The following CEP128 variants were observed in gnomAD, a reference collection of about 807,000 sequenced individuals.
The protein encoded by CEP128 is centrosomal protein 128.
A neutral mutation model predicts 156.7 loss-of-function variants in CEP128; 132 were observed. The observed-to-expected ratio is 0.84, with a 90% CI of 0.73 to 0.97. The LOEUF (loss-of-function observed/expected upper bound fraction) is 0.97. Ranked by LOEUF, CEP128 falls within the 50% of genes least tolerant of loss-of-function variation. The pLI is 0.00. For synonymous variants in CEP128, 469 were observed against 448.9 expected (o/e 1.04, Z -0.57); for missense variants, 1,252 against 1,281.9 (o/e 0.98, Z 0.36).
chr14:80,635,499 G>T (rs1894144511), intron 19 of CEP128, among the ~76,000 whole-genome samples: 1 of 152,110 alleles, frequency 6.6e-6, no homozygotes, highest in African/African-American at 2.4e-5. Context: ...TTGTTAACTT[G>T]TTATATAGTC....
chr14:80,936,235 G>A (rs1057130993), intron 2 of CEP128, among the ~76,000 whole-genome samples: 1 of 152,134 alleles, frequency 6.6e-6, no homozygotes, highest in Non-Finnish European at 1.5e-5. Context: ...ATGTTTATCA[G>A]GCCAGGCACA....
chr14:80,676,067 G>C (rs1896047807), intron 19 of CEP128, among the ~76,000 whole-genome samples: 1 of 152,104 alleles, frequency 6.6e-6, no homozygotes, highest in African/African-American at 2.4e-5. Flanking sequence ...TTTAGAACCA[G>C]TGTCAAGTTC....
At chr14:80,626,693 C>G (rs1343556624) in intron 19 of CEP128, among the ~76,000 whole-genome samples, 1 of 148,544 alleles carries the variant, frequency 6.7e-6, no homozygotes, top group Non-Finnish European at 1.5e-5. Flanking sequence ...TAACTTTAGG[C>G]CAGTGAAGCC....
intron 14 of CEP128, among the ~76,000 whole-genome samples, chr14:80,786,855 C>G (rs1217173717): frequency 6.6e-6 from 1 of 152,080 alleles, no homozygotes; most frequent in African/African-American, 2.4e-5. Flanking sequence ...ACCCTATAAT[C>G]CCAGCTATTT....
intron 13 of CEP128, among the ~76,000 whole-genome samples, chr14:80,801,405 T>A (rs1883842715): frequency 6.6e-6 from 1 of 152,032 alleles, no homozygotes; most frequent in Non-Finnish European, 1.5e-5. Context: ...GTTTTTGACA[T>A]ACGTCCCATC....
At chr14:80,869,667 G>C (rs1489931499) in intron 8 of CEP128, among the ~76,000 whole-genome samples, 1 of 151,862 alleles carries the variant, frequency 6.6e-6, no homozygotes, top group African/African-American at 2.4e-5. Context: ...CAGTTGTTTG[G>C]GTAAACTTTT....
intron 2 of CEP128, among the ~76,000 whole-genome samples, chr14:80,950,906 G>GAAAA (rs59969729): frequency 6.1e-5 from 7 of 115,050 alleles, no homozygotes; most frequent in Middle Eastern, 4.5e-3. Flanking sequence ...TCCCGAGTAA[G>GAAAA]AAAAAAAAAA....
chr14:80,797,232 A>G (rs965915646), intron 13 of CEP128, among the ~76,000 whole-genome samples: 1 of 152,220 alleles, frequency 6.6e-6, no homozygotes, highest in African/African-American at 2.4e-5. Flanking sequence ...TCAAGCCCAG[A>G]GCTTACGCAG....
intron 13 of CEP128, among the ~76,000 whole-genome samples, chr14:80,821,600 T>TACACAC (rs71103885): frequency 0.018 from 2,544 of 145,168 alleles, 29 homozygotes; most frequent in Non-Finnish European, 0.025. Context: ...CATACACACA[T>TACACAC]ACACACACAC....
chr14:80,576,568 C>A (rs931658486), intron 20 of CEP128, among the ~76,000 whole-genome samples: 2 of 152,110 alleles, frequency 1.3e-5, no homozygotes, highest in East Asian at 1.9e-4. Flanking sequence ...GGCTCCACCC[C>A]CCCTGCCGTT....
chr14:80,723,710 T>C (rs1249322889), intron 19 of CEP128, among the ~76,000 whole-genome samples: 1 of 152,202 alleles, frequency 6.6e-6, no homozygotes, highest in Non-Finnish European at 1.5e-5. Flanking sequence ...TCTCCTTCAA[T>C]GAAAAGTGGT....
intron 19 of CEP128, among the ~76,000 whole-genome samples, chr14:80,699,866 G>A (rs746712729): frequency 6.6e-6 from 1 of 152,116 alleles, no homozygotes; most frequent in Non-Finnish European, 1.5e-5. Flanking sequence ...AAGAATGGGG[G>A]TAGTTCCAAG....
At chr14:80,798,874 T>C (rs936211371) in intron 13 of CEP128, among the ~76,000 whole-genome samples, 4 of 152,352 alleles carry the variant, frequency 2.6e-5, no homozygotes, top group African/African-American at 9.6e-5. Context: ...CACAAGAGAT[T>C]GGGCACCTTG....
intron 19 of CEP128, among the ~76,000 whole-genome samples, chr14:80,657,213 C>T (rs774459546): frequency 5.3e-5 from 8 of 151,500 alleles, no homozygotes; most frequent in South Asian, 2.1e-4. Flanking sequence ...GCCGAGATTA[C>T]GCCACTGCGC....
intron 20 of CEP128, among the ~76,000 whole-genome samples, chr14:80,563,647 T>C (rs1004647576): frequency 1.3e-5 from 2 of 150,714 alleles, no homozygotes; most frequent in Non-Finnish European, 3.0e-5. Flanking sequence ...GATTCTCCTG[T>C]CTCAGGCTCC....
chr14:80,568,938 C>T (rs539094450), intron 20 of CEP128, among the ~76,000 whole-genome samples: 1 of 152,282 alleles, frequency 6.6e-6, no homozygotes, highest in Admixed American at 6.5e-5. Flanking sequence ...AATATTCCTA[C>T]CTATGAAATA....
chr14:80,524,502 CT>C (rs1888890388), intron 23 of CEP128, among the ~76,000 whole-genome samples: 2 of 152,156 alleles, frequency 1.3e-5, no homozygotes, highest in Admixed American at 1.3e-4. Flanking sequence ...ACTAACACAA[CT>C]TTCTCACTAC....
At chr14:80,503,836 G>C (rs1283907979) in intron 24 of CEP128, among the ~76,000 whole-genome samples, 1 of 152,142 alleles carries the variant, frequency 6.6e-6, no homozygotes, top group Non-Finnish European at 1.5e-5. Flanking sequence ...AAGACAAAAT[G>C]CTCAGCATTT....
intron 19 of CEP128, among the ~76,000 whole-genome samples, chr14:80,708,103 AT>A (rs1173602617): frequency 6.6e-6 from 1 of 151,946 alleles, no homozygotes; most frequent in Non-Finnish European, 1.5e-5. Context: ...TGGATGTACC[AT>A]TTTTTTTCTT....
Sources: allele counts gnomAD v4.1 joint callset (sites outside exome capture counted in the v4.1 genomes callset), GRCh38; gene constraint gnomAD v4.1.1; transcripts MANE v1.5; gene names NCBI Gene and HGNC (gene_info 2026-07-23, HGNC 2026-07-21).